Variants in CEP44 observed in about 807,000 individuals in gnomAD.
The protein encoded by CEP44 is centrosomal protein of 44 kDa.
A neutral mutation model predicts 46.7 loss-of-function variants in CEP44; 45 were observed. That is an observed-to-expected ratio of 0.96 (90% CI 0.76 to 1.24). CEP44 has a LOEUF of 1.24. Ranked by LOEUF, CEP44 falls within the 50% of genes most tolerant of loss-of-function variation. CEP44 has a pLI of 0.00. For synonymous variants in CEP44, 142 were observed against 146.0 expected (o/e 0.97, Z 0.20); for missense variants, 475 against 459.7 (o/e 1.03, Z -0.30).
At chr4:174,298,410 C>G (rs1475927095) in intron 2 of CEP44, among the ~76,000 whole-genome samples, 1 of 151,782 alleles carries the variant, frequency 6.6e-6, no homozygotes, top group East Asian at 1.9e-4. Flanking sequence ...CTCCTGACCT[C>G]CTGATCCGCC....
At chr4:174,294,301 A>G (rs1402536860) in intron 1 of CEP44, among the ~76,000 whole-genome samples, 1 of 151,734 alleles carries the variant, frequency 6.6e-6, no homozygotes, top group East Asian at 1.9e-4. Context: ...TTGCACCACC[A>G]TTAATCCATT....
At position 174,331,692 on chromosome 4, in the gene CEP44, G is replaced by C; in HGVS notation, c.*97G>C. 2 of 1,445,580 alleles carry C rather than the reference G, an allele frequency of 1.4e-6. No homozygotes were observed. Among genetic ancestry groups the C allele is most frequent in the Non-Finnish European group, 1.8e-6 (2 of 1,087,678 alleles). 89.5% of individuals were successfully genotyped at this position (1,445,580 alleles called of 1,614,324 possible). A position where few individuals can be genotyped will look rare whatever the true frequency, so the allele number is the denominator to read the frequency against. ...AGTCCAGAATTCTGCCTGGAAACCA[G>C]CTTCCTCCTCAGCTCCAGCTCTTTT... is the stretch of plus-strand genomic sequence containing the variant. On this transcript the variant is annotated 3_prime_UTR_variant, in exon 9 of 9. Transcript: ENST00000426172. This position sits in a 1 kb window ranked among gnomAD's most constrained non-coding sequence, Gnocchi z 4.5.
chr4:174,296,952 C>A (rs1051386205), intron 1 of CEP44, among the ~76,000 whole-genome samples: 3 of 151,616 alleles, frequency 2.0e-5, no homozygotes, highest in African/African-American at 4.8e-5. Context: ...AGAATTAAGT[C>A]CTTTATCTTT....
At chr4:174,321,021 G>T (rs1267265092), downstream of CEP44, among the ~76,000 whole-genome samples, 1 of 151,956 alleles carries the variant, frequency 6.6e-6, no homozygotes, top group Non-Finnish European at 1.5e-5. Context: ...CTAGTATCTG[G>T]ACTGAGAGAT....
At chr4:174,320,706 G>GTGTGTGTGTGTGTGTGTA (rs1742255254), downstream of CEP44, among the ~76,000 whole-genome samples, 1 of 150,370 alleles carries the variant, frequency 6.7e-6, no homozygotes, top group Non-Finnish European at 1.5e-5. Context: ...GTGTGTGTAT[G>GTGTGTGTGTGTGTGTGTA]TGTGTGTGTG....
intron 1 of CEP44, among the ~76,000 whole-genome samples, chr4:174,292,805 G>A (rs1738390558): frequency 6.6e-6 from 1 of 151,912 alleles, no homozygotes; most frequent in Non-Finnish European, 1.5e-5. Flanking sequence ...TTGTTTATTT[G>A]TTTGTTTGTT....
rs1255601487 is a variant in CEP44, at chr4:174,325,518, A to G, written c.1087-5964A>G. On this transcript the variant is annotated intron_variant, in intron 8 of 8. Coordinates refer to the CEP44 transcript ENST00000426172. This position sits in a 1 kb window ranked among gnomAD's most constrained non-coding sequence, Gnocchi z 4.4. ...AAATTTTTTTAAATTAGCCAAGCAT[A>G]GTGGTATGCACCTGTAGTCCTAGCT... is the stretch of plus-strand genomic sequence containing the variant. Among the ~76,000 whole-genome samples the G allele has an allele frequency of 1.3e-5, 2 of 151,906 alleles. No homozygotes were observed. The highest frequency in any genetic ancestry group is 4.8e-5 in the African/African-American group (2 of 41,342).
Position 174,297,139 on chromosome 4 carries a change from T to G in CEP44, c.-147-827T>G, listed in dbSNP as rs921160989. 3.3e-5 allele frequency among the ~76,000 whole-genome samples: 5 copies of G among 152,286 alleles called. No homozygotes were observed. In the South Asian group the frequency reaches 6.2e-4, roughly 19 times the overall value. On this transcript the variant is annotated intron_variant, in intron 1 of 11. Coordinates refer to ENST00000503780, the MANE Select transcript of CEP44 (RefSeq NM_001040157.3). The surrounding 1 kb of genome is among the most constrained non-coding windows in gnomAD (Gnocchi z 4.3). ...CTTATAGACAACATGTAGTTAGATC[T>G]TATTTTTGATCCACTTTAACAATCT...
chr4:174,296,404 A>T (rs1158896042), intron 1 of CEP44, among the ~76,000 whole-genome samples: 2 of 152,010 alleles, frequency 1.3e-5, no homozygotes, highest in African/African-American at 4.8e-5. Context: ...GAGATGTTGA[A>T]CCTTTCAGTT....
Position 174,314,967 on chromosome 4 carries a change from A to G in CEP44, c.962-1199A>G, listed in dbSNP as rs1375021872. ...TTAGGACACCACGAGTTAGTTAGTC[A>G]AATGATATTGAGCCTGGGCCGGGCT... is the stretch of plus-strand genomic sequence containing the variant. On this transcript the variant is annotated intron_variant, in intron 9 of 11. Coordinates refer to ENST00000503780, the MANE Select transcript of CEP44 (RefSeq NM_001040157.3). The surrounding 1 kb of genome is among the most constrained non-coding windows in gnomAD (Gnocchi z 4.1). Among the ~76,000 whole-genome samples the G allele has an allele frequency of 6.6e-6, 1 of 152,222 alleles. No homozygotes were observed. Among genetic ancestry groups the G allele is most frequent in the Non-Finnish European group, 1.5e-5 (1 of 68,054 alleles).
At chr4:174,284,058 C>G (rs1737255295) in intron 1 of CEP44, 115 bp downstream of exon 1, 1 of 399,174 alleles carries the variant, frequency 2.5e-6, no homozygotes, top group Non-Finnish European at 4.4e-6. Flanking sequence ...ACTCTGGTGA[C>G]TGTGTATGGT....
chr4:174,294,765 C>T (rs562885105), intron 1 of CEP44, among the ~76,000 whole-genome samples: 1,876 of 140,066 alleles, frequency 0.013, 33 homozygotes, highest in African/African-American at 0.022. Context: ...GCTGACCCCC[C>T]CACCTCCCTC....
chr4:174,330,750 G>A (rs916184156), intron 8 of CEP44, among the ~76,000 whole-genome samples: 2 of 151,706 alleles, frequency 1.3e-5, no homozygotes, highest in Non-Finnish European at 2.9e-5. Flanking sequence ...TTCTCTCCAG[G>A]GATTATGCCA....
In CEP44 at chr4:174,320,004, CTT is replaced by C; in HGVS notation, c.*2623_*2624del. 1.0e-6 allele frequency: 1 copy of C among 985,240 alleles called. No individual in the cohort carries two copies. Among genetic ancestry groups the C allele is most frequent in the Non-Finnish European group, 1.2e-6 (1 of 829,834 alleles). 61.0% of individuals were successfully genotyped at this position (985,240 alleles called of 1,614,324 possible). A position where few individuals can be genotyped will look rare whatever the true frequency, so the allele number is the denominator to read the frequency against. On this transcript the variant is annotated 3_prime_UTR_variant, in exon 12 of 12. Transcript: ENST00000503780. ...AACCCTAAGTTAAGTAAAATTTTCA[CTT>C]TCATTCTTTTCATTCTCTCATAAAC...
At chr4:174,321,344 C>T (rs1742303220), downstream of CEP44, among the ~76,000 whole-genome samples, 1 of 152,086 alleles carries the variant, frequency 6.6e-6, no homozygotes, top group South Asian at 2.1e-4. Flanking sequence ...TCTTGGCCTC[C>T]TTAGCACCTT....
chr4:174,321,050 T>A (rs1323141655), downstream of CEP44, among the ~76,000 whole-genome samples: 2 of 152,110 alleles, frequency 1.3e-5, no homozygotes. Context: ...GATACTACAC[T>A]AGTGTTTAAT....
chr4:174,316,836 G>T, intron 11 of CEP44: 1 of 288,174 alleles, frequency 3.5e-6, no homozygotes, highest in Middle Eastern at 1.0e-3. Context: ...GATATTTTTG[G>T]TTGGTAACTA....
intron 6 of CEP44, among the ~76,000 whole-genome samples, chr4:174,305,616 T>G (rs1418530276): frequency 6.6e-6 from 1 of 152,220 alleles, no homozygotes; most frequent in Non-Finnish European, 1.5e-5. Flanking sequence ...CATGTAGTTT[T>G]TGTACACTTG....
intron 2 of CEP44, 22 bp from the exon 3 acceptor site, chr4:174,299,050 T>A: frequency 7.5e-7 from 1 of 1,336,998 alleles, no homozygotes; most frequent in South Asian, 1.2e-5. Context: ...TTAACCAGTA[T>A]TTCATGGATT....
Sources: allele counts gnomAD v4.1 joint callset (sites outside exome capture counted in the v4.1 genomes callset), GRCh38; gene constraint gnomAD v4.1.1; non-coding constraint Gnocchi (gnomAD v3.1); transcripts MANE v1.5; gene names NCBI Gene and HGNC (gene_info 2026-07-23, HGNC 2026-07-21).